A2M: variants seen among roughly 807,000 people sequenced by gnomAD.
A2M encodes the protein C3 and PZP-like alpha-2-macroglobulin domain-containing protein 5.
A neutral mutation model predicts 183.9 loss-of-function variants in A2M; 128 were observed. That is an observed-to-expected ratio of 0.70 (90% CI 0.60 to 0.81). The LOEUF is 0.81. A2M is among the 30% of genes least tolerant of loss of function. A2M has a pLI of 0.00. For synonymous variants in A2M, 592 were observed against 670.8 expected, an observed-to-expected ratio of 0.88 and a Z score of 1.81; for missense variants, 1,495 against 1,787.6, an observed-to-expected ratio of 0.84 and a Z score of 2.95.
chr12:9,102,154 T>G lies in A2M; in HGVS notation c.1267-480A>C, dbSNP rs186402254. ...AAGACATTGGTAGAAAGCATTGGTT[T>G]AAGAGCTGAGCTGATGAATTAGCTG... On this transcript the variant is annotated intron_variant, in intron 11 of 35. Coordinates refer to ENST00000318602, the MANE Select transcript of A2M (RefSeq NM_000014.6). 3.3e-5 allele frequency among the ~76,000 whole-genome samples: 5 copies of G among 152,328 alleles called. No homozygotes were observed. In the East Asian group the frequency reaches 9.6e-4, roughly 29 times the overall value.
chr12:9,070,636 T>G (rs999442424), intron 31 of A2M, 58 bp from the exon 32 acceptor site: 2 of 1,220,792 alleles, frequency 1.6e-6, no homozygotes, highest in African/African-American at 3.0e-5. Flanking sequence ...TATTTTCTTC[T>G]TCTATGTCCA....
upstream of A2M, chr12:9,115,987 G>C: frequency 1.4e-6 from 1 of 738,104 alleles, no homozygotes; most frequent in Non-Finnish European, 2.5e-6. Context: ...ACCCACACAA[G>C]ATCTCTAAAC....
At chr12:9,113,248 A>C in intron 2 of A2M, 112 bp downstream of exon 2, 46 of 1,016,024 alleles carry the variant, frequency 4.5e-5, no homozygotes, top group Non-Finnish European at 5.8e-5. Flanking sequence ...CTACATTTGG[A>C]TTCCTTCCTG....
chr12:9,086,737 A>G (rs769905656), intron 22 of A2M, among the ~76,000 whole-genome samples: 1 of 152,380 alleles, frequency 6.6e-6, no homozygotes, highest in Non-Finnish European at 1.5e-5. Flanking sequence ...CAAGACAAGG[A>G]TACCCACTGC....
chr12:9,100,678 C>T (rs1488834796), intron 13 of A2M, among the ~76,000 whole-genome samples: 4 of 152,174 alleles, frequency 2.6e-5, no homozygotes, highest in African/African-American at 4.8e-5. Context: ...TTTTCCCTCC[C>T]TCAACTTTCT....
In A2M at chr12:9,090,421, G is replaced by T. The variant is rs55761427; in HGVS notation, c.2531C>A (p.Ala844Glu). 155 of 1,613,866 alleles carry T rather than the reference G, an allele frequency of 9.6e-5. No homozygotes were observed. Among genetic ancestry groups the T allele is most frequent in the Non-Finnish European group, 1.2e-4 (144 of 1,179,894 alleles). ...FLAVPVEKEQ[A>E]PHCICANGRQ... ...CCCGTTTGCACAGATGCAGTGAGGCGCTTGTTCCTTCTCCACTGGGACAGC... is the reference window on the plus strand; with the variant it reads ...CCCGTTTGCACAGATGCAGTGAGGCTCTTGTTCCTTCTCCACTGGGACAGC... The change falls in exon 20 of 36, where the codon GCG (alanine) becomes GAG (glutamate). Residue 844 changes from alanine to glutamate, a missense_variant. Physicochemically the swap from Ala to Glu is moderately radical, Grantham distance 107 (BLOSUM62 -1). Transcript: ENST00000318602.
Position 9,068,850 on chromosome 12 carries a change from G to A in A2M, c.4264-8C>T. On this transcript the variant is annotated splice_region_variant and splice_polypyrimidine_tract_variant and intron_variant, in intron 33 of 35. Transcript: ENST00000318602. The stretch of plus-strand genomic sequence containing the variant: ...CAGTGTCTGATTTGACACCTGGAAA[G>A]CAAAAGTCAATTAAATGACCTTTCA... The A allele has an allele frequency of 2.5e-6, 4 of 1,573,156 alleles. No individual in the cohort carries two copies. The highest frequency in any genetic ancestry group is 3.5e-6 in the Non-Finnish European group (4 of 1,157,624).
chr12:9,098,914 A>G (rs956674989), intron 14 of A2M, among the ~76,000 whole-genome samples, 158 bp from the exon 15 acceptor site: 11 of 152,142 alleles, frequency 7.2e-5, no homozygotes, highest in African/African-American at 2.7e-4. Flanking sequence ...TTTGTTCCCT[A>G]CACTTCTCTT....
Position 9,091,238 on chromosome 12 carries a change from T to G in A2M, c.2432A>C (p.Lys811Thr). ...SVIRGEAFTL[K>T]ATVLNYLPKC... ...GGGAAGGTAGTTTAGGACCGTGGCC[T>G]TGAGTGTGAAGGCCTCTCCACGAAT... Residue 811 changes from lysine to threonine, a missense_variant, in exon 19 of 36, where the codon AAG becomes ACG. By Grantham distance (78) the Lys-to-Thr change is moderately conservative. Coordinates refer to ENST00000318602, the MANE Select transcript of A2M (RefSeq NM_000014.6). 1 of 1,614,204 alleles carries G rather than the reference T, an allele frequency of 6.2e-7. No homozygotes were observed. Among genetic ancestry groups the G allele is most frequent in the Non-Finnish European group, 8.5e-7 (1 of 1,180,032 alleles).
intron 18 of A2M, among the ~76,000 whole-genome samples, chr12:9,092,075 C>G (rs1949229379): frequency 6.6e-6 from 1 of 152,170 alleles, no homozygotes. Flanking sequence ...TTATCAGTTG[C>G]TGACTGAGTG....
At chr12:9,110,062 A>T (rs1436187294) in intron 5 of A2M, 27 bp from the exon 6 acceptor site, 1 of 1,587,124 alleles carries the variant, frequency 6.3e-7, no homozygotes, top group Non-Finnish European at 8.6e-7. Flanking sequence ...ATTATAACTT[A>T]CAAAAGCACC....
chr12:9,076,907 G>C lies in A2M; in HGVS notation c.3381C>G (p.Cys1127Trp). 1 of 1,605,722 alleles carries C rather than the reference G, an allele frequency of 6.2e-7. No homozygotes were observed. Among genetic ancestry groups the C allele is most frequent in the Non-Finnish European group, 8.5e-7 (1 of 1,175,450 alleles). ...THPVVRNALF[C>W]LESAWKTAQE... Reference sequence around the variant, plus strand: ...GTGCTGTCTTCCAGGCTGACTCCAGGCAAAACAGGGCATTGCGGACAACAG... The same window carrying C: ...GTGCTGTCTTCCAGGCTGACTCCAGCCAAAACAGGGCATTGCGGACAACAG... The change falls in exon 28 of 36, where the codon TGC becomes TGG. Residue 1127 changes from cysteine to tryptophan, a missense_variant. Coordinates refer to ENST00000318602, the MANE Select transcript of A2M (RefSeq NM_000014.6).
In A2M at chr12:9,110,329, T is replaced by A; in HGVS notation, c.489A>T (p.Pro163=). 1.4e-6 allele frequency: 2 copies of A among 1,447,430 alleles called. No homozygotes were observed. The highest frequency in any genetic ancestry group is 1.9e-6 in the Non-Finnish European group (2 of 1,076,654). The allele number at this position is 1,447,430 out of a possible 1,614,324, so 89.7% of individuals were successfully genotyped here. A position where few individuals can be genotyped will look rare whatever the true frequency, so the allele number is the denominator to read the frequency against. Residue 163 remains proline (P), a synonymous_variant, in exon 5 of 36, where the codon CCA becomes CCT. Coordinates refer to ENST00000318602, the MANE Select transcript of A2M (RefSeq NM_000014.6). ...ENFHPLNELI[P]LVYIQDPKGN... ...TGTTGCTTACCTGAATGTATACTAG[T>A]GGAATCTGAAAGACAAAAGAAAAAA...
chr12:9,077,149 A>T (rs191521068), intron 27 of A2M, among the ~76,000 whole-genome samples, 197 bp downstream of exon 27: 6 of 152,340 alleles, frequency 3.9e-5, no homozygotes, highest in Admixed American at 6.5e-5. Flanking sequence ...GGTGGTAAAT[A>T]GCCTAGGGGA....
At chr12:9,095,116 T>C in intron 16 of A2M, 32 bp from the exon 17 acceptor site, 2 of 1,129,056 alleles carry the variant, frequency 1.8e-6, no homozygotes, top group Non-Finnish European at 2.5e-6. Context: ...AATCAGTAAA[T>C]ATATATTATA....
chr12:9,106,680 G>A (rs1938315235), intron 8 of A2M, 75 bp from the exon 9 acceptor site: 1 of 703,310 alleles, frequency 1.4e-6, no homozygotes, highest in Admixed American at 2.6e-5. Flanking sequence ...GATAACCGGT[G>A]TGATTTTTGT....
chr12:9,116,102 A>G (rs993456784), upstream of A2M: 16 of 463,654 alleles, frequency 3.5e-5, no homozygotes, highest in South Asian at 8.0e-5. Context: ...GGCTAAAACT[A>G]CATTCCCATT....
chr12:9,101,299 G>T, intron 12 of A2M, 92 bp from the exon 13 acceptor site: 1 of 1,383,642 alleles, frequency 7.2e-7, no homozygotes, highest in South Asian at 1.2e-5. Flanking sequence ...AGTCCCTGCC[G>T]GCAATAATTC....
intron 17 of A2M, 25 bp downstream of exon 17, chr12:9,094,948 A>G: frequency 1.6e-6 from 2 of 1,266,804 alleles, no homozygotes; most frequent in Non-Finnish European, 2.2e-6. Flanking sequence ...ATTAGGCAAT[A>G]TATATTTATT....
Sources: gnomAD v4.1 joint callset for allele counts (sites outside exome capture counted in the v4.1 genomes callset) on GRCh38, gnomAD v4.1.1 for gene constraint, MANE v1.5 for transcripts, NCBI Gene and HGNC (gene_info 2026-07-23, HGNC 2026-07-21) for gene names.